LYPD6: variants seen among roughly 807,000 people sequenced by gnomAD.
LYPD6 encodes ly6/PLAUR domain-containing protein 6.
In LYPD6, 15 loss-of-function variants were observed where a neutral mutation model predicts 22.7. The observed-to-expected ratio is 0.66, with a 90% CI of 0.44 to 1.02. The LOEUF (loss-of-function observed/expected upper bound fraction) is 1.02. Ranked by LOEUF, LYPD6 falls within the 50% of genes least tolerant of loss-of-function variation. The pLI, the probability that LYPD6 is intolerant of heterozygous loss-of-function variation, is 0.00. For missense variants in LYPD6, 189 were observed against 208.4 expected (o/e 0.91, Z 0.57); for synonymous variants, 72 against 77.5 (o/e 0.93, Z 0.37).
At chr2:149,456,963 T>C (rs1164187109) in intron 3 of LYPD6, among the ~76,000 whole-genome samples, 1 of 152,224 alleles carries the variant, frequency 6.6e-6, no homozygotes, top group African/African-American at 2.4e-5. Flanking sequence ...TAGATTTAGT[T>C]GTAATCCGTT....
intron 1 of LYPD6, among the ~76,000 whole-genome samples, chr2:149,382,242 A>T (rs1340403140): frequency 6.6e-6 from 1 of 152,192 alleles, no homozygotes; most frequent in Non-Finnish European, 1.5e-5. Context: ...AGTGCAAAGT[A>T]TTATCATAAA....
At chr2:149,347,854 G>T (rs1573732498) in intron 1 of LYPD6, among the ~76,000 whole-genome samples, 2 of 151,932 alleles carry the variant, frequency 1.3e-5, no homozygotes, top group South Asian at 4.2e-4. Flanking sequence ...TTTTATATTT[G>T]CCAATGCAAG....
chr2:149,347,376 C>T (rs553014214), intron 1 of LYPD6, among the ~76,000 whole-genome samples: 12 of 152,210 alleles, frequency 7.9e-5, no homozygotes, highest in South Asian at 2.1e-4. Context: ...TTTTATGGTA[C>T]GTATCATTCT....
At chr2:149,367,578 A>G (rs1432288329) in intron 1 of LYPD6, 3 of 152,200 alleles carry the variant, frequency 2.0e-5, no homozygotes, top group African/African-American at 7.2e-5. Context: ...CATCCCAACA[A>G]GCCTTCAGGA....
chr2:149,414,001 G>A lies in LYPD6; in HGVS notation c.-71-23637G>A, dbSNP rs186099648. Among the ~76,000 whole-genome samples, 12 of 152,332 alleles carry A rather than the reference G, an allele frequency of 7.9e-5. No individual in the cohort carries two copies. In the East Asian group the frequency reaches 2.1e-3, roughly 27 times the overall value. The stretch of plus-strand genomic sequence containing the variant: ...GTGGCCACTTGCATCTTTAAAATGT[G>A]TAGGTGGTTCTTTAGCAATCTCAGA... On this transcript the variant is annotated intron_variant, in intron 1 of 4. Transcript: ENST00000334166.
chr2:149,354,039 G>A (rs557978788), intron 1 of LYPD6, among the ~76,000 whole-genome samples: 1 of 152,174 alleles, frequency 6.6e-6, no homozygotes, highest in Non-Finnish European at 1.5e-5. Flanking sequence ...TCTGGTGTCA[G>A]AAAGATACAA....
intron 1 of LYPD6, among the ~76,000 whole-genome samples, chr2:149,406,013 G>A (rs1217134748): frequency 6.7e-6 from 1 of 150,092 alleles, no homozygotes; most frequent in Non-Finnish European, 1.5e-5. Flanking sequence ...TTCAGGAGCA[G>A]GTTGTTCAGT....
intron 2 of LYPD6, among the ~76,000 whole-genome samples, chr2:149,441,461 G>C (rs1683567256): frequency 6.6e-6 from 1 of 152,190 alleles, no homozygotes; most frequent in Non-Finnish European, 1.5e-5. Context: ...TAACTGGGGA[G>C]AGATTGGAAC....
At chr2:149,483,256 C>A in the LYPD6 span, among the ~76,000 whole-genome samples, 1 of 152,214 alleles carries the variant, frequency 6.6e-6, no homozygotes, top group African/African-American at 2.4e-5. Context: ...CAGGGAACTT[C>A]TGTCTGGGCA....
At chr2:149,331,047 T>G (rs1229073941) in intron 1 of LYPD6, among the ~76,000 whole-genome samples, 3 of 152,086 alleles carry the variant, frequency 2.0e-5, no homozygotes, top group African/African-American at 7.2e-5. Flanking sequence ...CAGGAGTAAT[T>G]CAGCATCTTC....
chr2:149,384,528 T>C (rs897633869), intron 1 of LYPD6, among the ~76,000 whole-genome samples: 40 of 152,122 alleles, frequency 2.6e-4, no homozygotes, highest in African/African-American at 8.5e-4. Flanking sequence ...TCATGGGCAC[T>C]GGTTGGGGGA....
intron 1 of LYPD6, among the ~76,000 whole-genome samples, chr2:149,342,088 A>C (rs887779999): frequency 4.6e-5 from 7 of 152,206 alleles, no homozygotes; most frequent in African/African-American, 1.7e-4. Flanking sequence ...CCTTATAATG[A>C]ATACCTTTTA....
At position 149,380,475 on chromosome 2, in the gene LYPD6, G is replaced by T. The variant is rs140098704; in HGVS notation, c.-72+49753G>T. ...TTGAAAGGTTTGCATATGGTAAGTTGTGAGTGTGGGACAAAGTGTAGAGTC... is the reference window on the plus strand; with the variant it reads ...TTGAAAGGTTTGCATATGGTAAGTTTTGAGTGTGGGACAAAGTGTAGAGTC... On this transcript the variant is annotated intron_variant, in intron 1 of 4. Transcript: ENST00000334166. Among the ~76,000 whole-genome samples the T allele has an allele frequency of 4.0e-3, 616 of 152,320 alleles. 22 individuals are homozygous for T. The highest frequency in any genetic ancestry group is 0.037 in the Admixed American group (567 of 15,310).
the LYPD6 span, among the ~76,000 whole-genome samples, chr2:149,483,609 A>C: frequency 6.6e-6 from 1 of 152,218 alleles, no homozygotes; most frequent in Non-Finnish European, 1.5e-5. Context: ...TGCTATTTGC[A>C]GTTGGTTAAA....
intron 1 of LYPD6, among the ~76,000 whole-genome samples, chr2:149,336,866 A>T (rs181309462): frequency 9.2e-4 from 139 of 151,644 alleles, no homozygotes; most frequent in Middle Eastern, 3.4e-3. Context: ...GTAGTTGAAA[A>T]TTTTTTTGCC....
At chr2:149,411,535 G>A (rs1682848762) in intron 1 of LYPD6, among the ~76,000 whole-genome samples, 1 of 151,956 alleles carries the variant, frequency 6.6e-6, no homozygotes, top group Admixed American at 6.6e-5. Flanking sequence ...TTTTATTATA[G>A]GCCTTCTCAA....
intron 1 of LYPD6, among the ~76,000 whole-genome samples, chr2:149,341,621 C>G (rs1349429551): frequency 6.6e-6 from 1 of 152,094 alleles, no homozygotes; most frequent in African/African-American, 2.4e-5. Context: ...AACAAAATAC[C>G]TGAGACTGGG....
rs770829392 is a variant in LYPD6 at position 149,468,666 on chromosome 2, A to G, written c.239A>G (p.Gln80Arg). The G allele has an allele frequency of 5.6e-6, 9 of 1,613,616 alleles. No individual in the cohort carries two copies. Among genetic ancestry groups the G allele is most frequent in the East Asian group, 2.2e-5 (1 of 44,864 alleles). ...ACAGAGACCAGATACTGCTACACTC[A>G]GCACACAATGGAAGTCACAGGAAAC... ...CPRETRYCYT[Q>R]HTMEVTGNSI... The change falls in exon 4 of 5, where the codon CAG (glutamine) becomes CGG (arginine). Residue 80 changes from glutamine to arginine, a missense_variant. Coordinates refer to ENST00000334166, the MANE Select transcript of LYPD6 (RefSeq NM_194317.5).
intron 1 of LYPD6, among the ~76,000 whole-genome samples, chr2:149,403,013 G>C (rs1682597946): frequency 6.6e-6 from 1 of 151,924 alleles, no homozygotes; most frequent in South Asian, 2.1e-4. Context: ...AGTTTACTGA[G>C]AATGATGATT....
Sources: gnomAD v4.1 joint callset for allele counts (sites outside exome capture counted in the v4.1 genomes callset) on GRCh38, gnomAD v4.1.1 for gene constraint, MANE v1.5 for transcripts, NCBI Gene and HGNC (gene_info 2026-07-23, HGNC 2026-07-21) for gene names.